The following HBS1L variants were observed in gnomAD, a reference collection of about 807,000 sequenced individuals.
HBS1L encodes HBS1 like translational GTPase.
In HBS1L, 55 loss-of-function variants were observed where a neutral mutation model predicts 88.9. That is an observed-to-expected ratio of 0.62 (90% CI 0.50 to 0.77). HBS1L has a LOEUF of 0.77. HBS1L is among the 30% of genes least tolerant of loss of function. The pLI, the probability that HBS1L is intolerant of heterozygous loss-of-function variation, is 0.00. For missense variants in HBS1L, 741 were observed against 829.3 expected (o/e 0.89, Z 1.31); for synonymous variants, 267 against 288.5 (o/e 0.93, Z 0.76).
intron 5 of HBS1L, among the ~76,000 whole-genome samples, chr6:134,998,120 T>G (rs541614869): frequency 2.4e-4 from 36 of 152,370 alleles, no homozygotes; most frequent in African/African-American, 8.4e-4. Flanking sequence ...GGGAGATATC[T>G]CTAAATGACT....
rs1158309046 is a variant in HBS1L, at chr6:134,982,490, G to C, written c.1565C>G (p.Ala522Gly). 2 of 1,609,912 alleles carry C rather than the reference G, an allele frequency of 1.2e-6. No individual in the cohort carries two copies. The highest frequency in any genetic ancestry group is 1.7e-5 in the Admixed American group (1 of 59,824). The change falls in exon 13 of 18, where the codon GCA (alanine) becomes GGA (glycine). Residue 522 changes from alanine to glycine, a missense_variant. Ala to Gly is a moderately conservative substitution (Grantham distance 60). This residue lies in a region of HBS1L where 181 missense variants were observed against 212.7 expected (regional missense o/e 0.85). Transcript: ENST00000367837. ...GGTACAAGTTTCATTAGGAGGCATT[G>C]CCAGTAGTCGGTCACCAGTTTGGAT... ...GYIQTGDRLL[A>G]MPPNETCTVK...
chr6:135,037,607 A>C (rs1776596765), intron 4 of HBS1L: 1 of 1,548,148 alleles, frequency 6.5e-7, no homozygotes, highest in Non-Finnish European at 8.7e-7. Context: ...ATGGTCTTTA[A>C]ATCTGGTATT....
chr6:135,030,115 T>C (rs959340744), intron 4 of HBS1L, among the ~76,000 whole-genome samples: 16 of 152,302 alleles, frequency 1.1e-4, no homozygotes, highest in African/African-American at 3.6e-4. Flanking sequence ...ACAAAATTCC[T>C]GTATTTGTAG....
intron 8 of HBS1L, among the ~76,000 whole-genome samples, chr6:134,993,353 A>G (rs951232413): frequency 6.6e-6 from 1 of 152,300 alleles, no homozygotes; most frequent in African/African-American, 2.4e-5. Context: ...CTGGGCGAAA[A>G]TACCCAAGCT....
chr6:134,991,992 C>T (rs557772669), intron 8 of HBS1L, among the ~76,000 whole-genome samples: 4 of 152,194 alleles, frequency 2.6e-5, no homozygotes, highest in Admixed American at 6.5e-5. Context: ...CCCTTGAGCC[C>T]GGGAAGTTGT....
intron 4 of HBS1L, among the ~76,000 whole-genome samples, chr6:135,004,537 T>C (rs1775556503): frequency 6.6e-6 from 1 of 152,036 alleles, no homozygotes; most frequent in Non-Finnish European, 1.5e-5. Flanking sequence ...TACATGAAGC[T>C]GGAGAGATGG....
chr6:135,034,049 T>C (rs1776461485), intron 4 of HBS1L, among the ~76,000 whole-genome samples: 1 of 152,194 alleles, frequency 6.6e-6, no homozygotes, highest in Admixed American at 6.5e-5. Context: ...GCTTGTGATT[T>C]AAATGATGTC....
At chr6:135,010,816 G>T (rs1260622616) in intron 4 of HBS1L, among the ~76,000 whole-genome samples, 1 of 151,940 alleles carries the variant, frequency 6.6e-6, no homozygotes, top group Non-Finnish European at 1.5e-5. Flanking sequence ...TAATAATGGG[G>T]GAGTTGAACT....
Position 135,012,643 on chromosome 6 carries a change from C to G in HBS1L, c.431-9801G>C, listed in dbSNP as rs184784413. Among the ~76,000 whole-genome samples, 687 of 152,190 alleles carry G rather than the reference C, an allele frequency of 4.5e-3. 3 individuals are homozygous for G. Among genetic ancestry groups the G allele is most frequent in the Non-Finnish European group, 7.0e-3 (475 of 68,002 alleles). On this transcript the variant is annotated intron_variant, in intron 4 of 17. Transcript: ENST00000367837. ...GTCTTTAACACGACCGCAATTTACCCCTCAAGATCCACCTCTTCCTTGCAA... is the reference window on the plus strand; with the variant it reads ...GTCTTTAACACGACCGCAATTTACCGCTCAAGATCCACCTCTTCCTTGCAA...
Position 134,989,864 on chromosome 6 carries a change from T to C in HBS1L, c.1084-2073A>G, listed in dbSNP as rs577917521. Among the ~76,000 whole-genome samples, 577 of 152,284 alleles carry C rather than the reference T, an allele frequency of 3.8e-3. 3 individuals carry two copies. The highest frequency in any genetic ancestry group is 0.012 in the African/African-American group (516 of 41,564). ...TAAGCATACAAACTGAAGCAATCAA[T>C]TTGAATATTGGCTCTTTCATGCATA... On this transcript the variant is annotated intron_variant, in intron 8 of 17. Transcript: ENST00000367837.
intron 3 of HBS1L, 78 bp downstream of exon 3, chr6:135,041,923 C>CTGTGACTGATAAATAAAACTGTG: frequency 5.4e-6 from 7 of 1,288,360 alleles, no homozygotes; most frequent in Non-Finnish European, 7.7e-6. Flanking sequence ...CTGTTATAAA[C>CTGTGACTGATAAATAAAACTGTG]ACAATAAAAC....
chr6:134,985,981 G>A (rs1296084604), intron 11 of HBS1L, 85 bp downstream of exon 11: 53 of 692,398 alleles, frequency 7.7e-5, no homozygotes, highest in Non-Finnish European at 1.3e-4. Context: ...TTTTTCATAC[G>A]TGTGACTCTC....
chr6:134,982,695 G>A, intron 12 of HBS1L, 133 bp from the exon 13 acceptor site: 3 of 461,836 alleles, frequency 6.5e-6, no homozygotes, highest in Non-Finnish European at 1.2e-5. Context: ...AATCATTTCA[G>A]AATTAACATC....
At chr6:134,967,283 C>T (rs181181048) in intron 16 of HBS1L, among the ~76,000 whole-genome samples, 2 of 152,102 alleles carry the variant, frequency 1.3e-5, no homozygotes, top group South Asian at 4.2e-4. Context: ...CATAAACTCT[C>T]CTTTTGAAAG....
intron 4 of HBS1L, among the ~76,000 whole-genome samples, chr6:135,008,268 A>G (rs1283138309): frequency 4.6e-5 from 7 of 152,242 alleles, no homozygotes; most frequent in Admixed American, 6.5e-5. Context: ...TCAGACAGAA[A>G]TAATAGCCAC....
At chr6:135,018,091 G>A (rs1176255831) in intron 4 of HBS1L, among the ~76,000 whole-genome samples, 1 of 151,234 alleles carries the variant, frequency 6.6e-6, no homozygotes, top group Non-Finnish European at 1.5e-5. Context: ...ACAGATACAC[G>A]TACACACACA....
chr6:135,044,425 C>G (rs1034481830), intron 2 of HBS1L, among the ~76,000 whole-genome samples: 6 of 152,054 alleles, frequency 3.9e-5, no homozygotes, highest in Non-Finnish European at 8.8e-5. Flanking sequence ...TATTTTCCCC[C>G]TCTTGTGCAA....
At chr6:134,999,804 T>C (rs1382691715) in intron 5 of HBS1L, among the ~76,000 whole-genome samples, 1 of 152,162 alleles carries the variant, frequency 6.6e-6, no homozygotes, top group Non-Finnish European at 1.5e-5. Context: ...TCTACAGTGT[T>C]AGTGGGAAAT....
chr6:134,997,650 A>G lies in HBS1L; in HGVS notation c.546T>C (p.Ser182=), dbSNP rs759776565. The G allele has an allele frequency of 6.2e-7, 1 of 1,613,944 alleles. No homozygotes were observed. The highest frequency in any genetic ancestry group is 8.5e-7 in the Non-Finnish European group (1 of 1,179,864). ...QTMGFEVPGV[S]SEENGHSFHT... ...GGAAACTATGACCATTTTCTTCAGA[A>G]GATACTCTACAGAAGGCAGATAGGA... The change falls in exon 6 of 18, where the codon TCT becomes TCC. Residue 182 remains serine (S), a synonymous_variant. Coordinates refer to ENST00000367837, the MANE Select transcript of HBS1L (RefSeq NM_006620.4).
Sources: gnomAD v4.1 joint callset for allele counts (sites outside exome capture counted in the v4.1 genomes callset) on GRCh38, gnomAD v4.1.1 for gene constraint, gnomAD v4.1.1 regional missense constraint, MANE v1.5 for transcripts, NCBI Gene and HGNC (gene_info 2026-07-23, HGNC 2026-07-21) for gene names.